Variants in MICU3 observed in about 807,000 individuals in gnomAD.
The protein encoded by MICU3 is calcium uptake protein 3, mitochondrial.
Under a neutral mutation model 66.5 loss-of-function variants are expected in MICU3, and 62 were observed. The observed-to-expected ratio is 0.93, with a 90% CI of 0.76 to 1.15. The LOEUF (loss-of-function observed/expected upper bound fraction) is 1.15. MICU3 is among the 50% of genes most tolerant of loss of function. The probability of loss-of-function intolerance (pLI) is 0.00; values close to 1 mark genes in which losing one functional copy is unlikely to be tolerated. For missense variants in MICU3, 779 were observed against 664.4 expected (o/e 1.17, Z -1.90); for synonymous variants, 308 against 240.7 (o/e 1.28, Z -2.59).
At chr8:17,049,764 T>C (rs926989811) in intron 1 of MICU3, 17 of 453,274 alleles carry the variant, frequency 3.8e-5, no homozygotes, top group Admixed American at 3.6e-4. Flanking sequence ...AAGGCCCCTA[T>C]AGATTAAGTT....
At chr8:17,050,409 C>T (rs959466151) in intron 1 of MICU3, among the ~76,000 whole-genome samples, 1 of 151,910 alleles carries the variant, frequency 6.6e-6, no homozygotes, top group Non-Finnish European at 1.5e-5. Flanking sequence ...AAATATACCA[C>T]TTTATTAATA....
intron 1 of MICU3, among the ~76,000 whole-genome samples, chr8:17,061,825 A>C (rs1255321025): frequency 6.6e-6 from 1 of 152,208 alleles, no homozygotes; most frequent in African/African-American, 2.4e-5. Flanking sequence ...CTGATCCCCG[A>C]GGACCATTCA....
At chr8:17,045,509 C>T (rs1379350784) in intron 1 of MICU3, among the ~76,000 whole-genome samples, 1 of 152,156 alleles carries the variant, frequency 6.6e-6, no homozygotes. Context: ...AAAAAGGCCT[C>T]ATAAAAAGTC....
chr8:17,105,991 A>G (rs1392906341), intron 11 of MICU3, among the ~76,000 whole-genome samples: 1 of 152,050 alleles, frequency 6.6e-6, no homozygotes, highest in Non-Finnish European at 1.5e-5. Flanking sequence ...GAAGACCACC[A>G]TTGATGAGTG....
chr8:17,138,446 T>C, the MICU3 span, among the ~76,000 whole-genome samples: 4 of 152,246 alleles, frequency 2.6e-5, no homozygotes, highest in Admixed American at 2.6e-4. Flanking sequence ...CAGCTAATCT[T>C]GGAACAAATT....
At chr8:17,116,749 C>G (rs1802721618) in intron 13 of MICU3, 149 bp downstream of exon 13, 1 of 525,954 alleles carries the variant, frequency 1.9e-6, no homozygotes, top group South Asian at 4.0e-5. Context: ...GCCTTACTTC[C>G]CTTAAAAAAC....
In MICU3 at chr8:17,120,702, A is replaced by G. The variant is rs1803136872; in HGVS notation, c.*415A>G. The stretch of plus-strand genomic sequence containing the variant: ...AAAAATGAACATCGCATTTTCTTTG[A>G]TTTTGGACTGTGAACTTATTTTCAG... On this transcript the variant is annotated 3_prime_UTR_variant, in exon 15 of 15. Coordinates refer to ENST00000318063, the MANE Select transcript of MICU3 (RefSeq NM_181723.3). 1 of 152,294 alleles carries G rather than the reference A, an allele frequency of 6.6e-6. No homozygotes were observed. Among genetic ancestry groups the G allele is most frequent in the Non-Finnish European group, 1.5e-5 (1 of 67,868 alleles). The allele number at this position is 152,294 out of a possible 1,614,324, so 9.4% of individuals were successfully genotyped here.
chr8:17,058,304 A>G (rs1258638040), intron 1 of MICU3, among the ~76,000 whole-genome samples: 1 of 152,210 alleles, frequency 6.6e-6, no homozygotes, highest in Non-Finnish European at 1.5e-5. Context: ...CAAAAAAGGT[A>G]TTTAAAATGA....
intron 1 of MICU3, among the ~76,000 whole-genome samples, chr8:17,028,808 A>G (rs1168545233): frequency 6.6e-6 from 1 of 152,122 alleles, no homozygotes; most frequent in African/African-American, 2.4e-5. Flanking sequence ...TCACAAATAC[A>G]CATCCACTTT....
In MICU3 at chr8:17,076,693, G is replaced by C. The variant is rs1168098553; in HGVS notation, c.568-1090G>C. 2.6e-5 allele frequency among the ~76,000 whole-genome samples: 4 copies of C among 152,196 alleles called. No homozygotes were observed. The East Asian group carries it at 7.7e-4, about 29-fold the overall frequency. On this transcript the variant is annotated intron_variant, in intron 3 of 14. Transcript: ENST00000318063. Reference sequence around the variant, plus strand: ...AGCATTTTTAGGTACAGCTGCGTCAGAAATGGTTTGTCTGAAATGCCTTCC... The same window carrying C: ...AGCATTTTTAGGTACAGCTGCGTCACAAATGGTTTGTCTGAAATGCCTTCC...
downstream of MICU3, among the ~76,000 whole-genome samples, chr8:17,124,710 A>T (rs1803360498): frequency 6.6e-6 from 1 of 151,806 alleles, no homozygotes; most frequent in Non-Finnish European, 1.5e-5. Context: ...CGTGTGCTGA[A>T]AACACCTTTA....
At chr8:17,090,667 A>G (rs1162178342) in intron 8 of MICU3, 83 bp downstream of exon 8, 9 of 1,064,718 alleles carry the variant, frequency 8.5e-6, no homozygotes, top group South Asian at 1.8e-5. Context: ...ATATAAAGCT[A>G]TATCTGCTGT....
chr8:17,028,728 C>T (rs1563255438), intron 1 of MICU3, among the ~76,000 whole-genome samples: 1 of 152,116 alleles, frequency 6.6e-6, no homozygotes, highest in African/African-American at 2.4e-5. Context: ...AAGCACATAA[C>T]ATAAAGTCCT....
At chr8:17,052,412 T>G (rs927811412) in intron 1 of MICU3, among the ~76,000 whole-genome samples, 9 of 152,180 alleles carry the variant, frequency 5.9e-5, no homozygotes, top group Non-Finnish European at 1.0e-4. Flanking sequence ...TATTATTAAT[T>G]ACAGTCACCC....
Position 17,117,896 on chromosome 8 carries a change from A to G in MICU3, c.1525-811A>G, listed in dbSNP as rs534826265. Among the ~76,000 whole-genome samples the G allele has an allele frequency of 1.4e-4, 21 of 152,350 alleles. No homozygotes were observed. In the South Asian group the frequency reaches 4.3e-3, roughly 32 times the overall value. On this transcript the variant is annotated intron_variant, in intron 13 of 14. Coordinates refer to ENST00000318063, the MANE Select transcript of MICU3 (RefSeq NM_181723.3). ...AGTGCTGGGATTACAGGCATGAGCC[A>G]CCGTACCCGGCCAGTATTATACATT...
At chr8:17,108,618 T>G (rs901170037) in intron 11 of MICU3, among the ~76,000 whole-genome samples, 42 of 152,250 alleles carry the variant, frequency 2.8e-4, no homozygotes, top group African/African-American at 1.0e-3. Flanking sequence ...GTATAAGAAT[T>G]TAACCACTCC....
At chr8:17,099,063 C>T (rs926520766) in intron 9 of MICU3, among the ~76,000 whole-genome samples, 4 of 151,602 alleles carry the variant, frequency 2.6e-5, no homozygotes, top group Non-Finnish European at 4.4e-5. Flanking sequence ...AAAAAGCAGA[C>T]CGACCTTATT....
At chr8:17,065,817 AC>A (rs1818586737) in intron 2 of MICU3, among the ~76,000 whole-genome samples, 1 of 152,186 alleles carries the variant, frequency 6.6e-6, no homozygotes. Flanking sequence ...GGACTCTCTT[AC>A]AATATTTGAT....
the MICU3 span, among the ~76,000 whole-genome samples, chr8:17,135,028 G>A: frequency 6.6e-6 from 1 of 152,124 alleles, no homozygotes; most frequent in Non-Finnish European, 1.5e-5. Flanking sequence ...CAAGATTTAT[G>A]GGTTTCATTA....
Sources: allele counts gnomAD v4.1 joint callset (sites outside exome capture counted in the v4.1 genomes callset), GRCh38; gene constraint gnomAD v4.1.1; transcripts MANE v1.5; gene names NCBI Gene and HGNC (gene_info 2026-07-23, HGNC 2026-07-21).